The following DPP6 variants were observed in gnomAD, a reference collection of about 807,000 sequenced individuals.
DPP6 encodes dipeptidyl peptidase like 6.
A neutral mutation model predicts 122.6 loss-of-function variants in DPP6; 69 were observed. The ratio of observed to expected loss-of-function variants is 0.56; its 90% CI spans 0.46 to 0.69. The LOEUF (loss-of-function observed/expected upper bound fraction) is 0.69, where lower values mean the gene tolerates loss of function less well. Among genes scored for constraint, DPP6 ranks in the 30% least tolerant of loss-of-function variants. DPP6 has a pLI of 0.00. For missense variants in DPP6, 928 were observed against 1,116.9 expected, an observed-to-expected ratio of 0.83 and a Z score of 2.41; for synonymous variants, 418 against 433.1, an observed-to-expected ratio of 0.97 and a Z score of 0.43.
chr7:154,034,610 T>A (rs1431319035), intron 1 of DPP6, among the ~76,000 whole-genome samples: 9 of 152,212 alleles, frequency 5.9e-5, no homozygotes, highest in African/African-American at 1.9e-4. Flanking sequence ...AACATTTGTT[T>A]TGGAGCTCGA....
chr7:154,490,317 C>T (rs1027346892), intron 3 of DPP6, among the ~76,000 whole-genome samples: 2 of 152,210 alleles, frequency 1.3e-5, no homozygotes, highest in African/African-American at 2.4e-5. Flanking sequence ...CCCCCGGCTC[C>T]CTCGTGCTCT....
At chr7:153,961,956 G>C (rs939335327) in intron 1 of DPP6, among the ~76,000 whole-genome samples, 3 of 149,420 alleles carry the variant, frequency 2.0e-5, no homozygotes, top group Admixed American at 6.6e-5. Flanking sequence ...GGACCCCTGT[G>C]CTAGAGCACA....
At chr7:154,431,031 C>A (rs1563658323) in intron 1 of DPP6, among the ~76,000 whole-genome samples, 1 of 152,114 alleles carries the variant, frequency 6.6e-6, no homozygotes, top group Non-Finnish European at 1.5e-5. Context: ...TTGATTGGCA[C>A]CCAGAGAGAA....
At chr7:154,842,632 C>T (rs1801641189) in intron 16 of DPP6, among the ~76,000 whole-genome samples, 2 of 152,150 alleles carry the variant, frequency 1.3e-5, no homozygotes, top group South Asian at 4.2e-4. Flanking sequence ...AGGGCAAAAA[C>T]GACCTTATAT....
intron 8 of DPP6, among the ~76,000 whole-genome samples, chr7:154,736,090 T>C (rs756752042): frequency 2.6e-5 from 4 of 152,260 alleles, no homozygotes; most frequent in Non-Finnish European, 1.5e-5. Context: ...TCTGCGATCA[T>C]GGGCAGACCA....
intron 1 of DPP6, among the ~76,000 whole-genome samples, chr7:153,904,698 T>C (rs1799777548): frequency 6.6e-6 from 1 of 152,200 alleles, no homozygotes; most frequent in Non-Finnish European, 1.5e-5. Flanking sequence ...CCTTCCTTCT[T>C]GGGGCTTCCA....
chr7:154,842,336 G>A (rs1801618540), intron 16 of DPP6, among the ~76,000 whole-genome samples: 1 of 152,240 alleles, frequency 6.6e-6, no homozygotes. Flanking sequence ...CAGACGAGAG[G>A]AAGGGAGACA....
In DPP6 at chr7:154,668,402, A is replaced by C. The variant is rs529208024; in HGVS notation, c.681-958A>C. 2.3e-3 allele frequency among the ~76,000 whole-genome samples: 351 copies of C among 151,028 alleles called. 1 individual carries two copies. The highest frequency in any genetic ancestry group is 4.4e-3 in the Non-Finnish European group (295 of 67,804). On this transcript the variant is annotated intron_variant, in intron 6 of 25. Transcript: ENST00000377770. ...CGCCCGACTAATTTTTTATATTTTT[A>C]GTAGGGATGGGGTTTCACCGTGTTA...
chr7:153,971,988 A>T (rs546629161), intron 1 of DPP6, among the ~76,000 whole-genome samples: 3,117 of 137,414 alleles, frequency 0.023, 120 homozygotes, highest in African/African-American at 0.058. Flanking sequence ...TCTATTACAG[A>T]TGACTCTCTT....
chr7:154,800,711 G>A (rs774729337), intron 12 of DPP6, among the ~76,000 whole-genome samples: 8 of 152,148 alleles, frequency 5.3e-5, no homozygotes, highest in South Asian at 4.1e-4. Flanking sequence ...AGTGTGGCCC[G>A]AGGTGGAGCG....
intron 1 of DPP6, among the ~76,000 whole-genome samples, chr7:154,127,652 GACACACACAC>G (rs66703506): frequency 7.6e-5 from 6 of 79,106 alleles, no homozygotes; most frequent in Non-Finnish European, 1.4e-4. Flanking sequence ...CACACACACA[GACACACACAC>G]ACACACACAC....
intron 1 of DPP6, among the ~76,000 whole-genome samples, chr7:154,390,342 AC>A (rs755511036): frequency 1.6e-4 from 24 of 152,274 alleles, no homozygotes; most frequent in Non-Finnish European, 2.2e-4. Flanking sequence ...CTCAAGCAGC[AC>A]CTGCAGGCCA....
At chr7:154,206,271 G>A (rs994558062) in intron 1 of DPP6, among the ~76,000 whole-genome samples, 15 of 152,040 alleles carry the variant, frequency 9.9e-5, no homozygotes, top group African/African-American at 3.6e-4. Flanking sequence ...GCCGGTCCTC[G>A]GCCCTTGTTC....
chr7:153,765,564 GA>G, the DPP6 span, among the ~76,000 whole-genome samples: 5 of 148,176 alleles, frequency 3.4e-5, no homozygotes, highest in Admixed American at 2.0e-4. Flanking sequence ...AAAAAAAACA[GA>G]AAAAAACACC....
chr7:154,104,967 A>C (rs1228201272), intron 1 of DPP6, among the ~76,000 whole-genome samples: 3 of 152,148 alleles, frequency 2.0e-5, no homozygotes. Context: ...CACTCAGTGT[A>C]AGATCAGGTT....
At chr7:154,701,510 A>G (rs574879764) in intron 7 of DPP6, among the ~76,000 whole-genome samples, 14 of 152,318 alleles carry the variant, frequency 9.2e-5, no homozygotes, top group African/African-American at 3.1e-4. Context: ...GAGCTTTGTC[A>G]TTTGCTAGGG....
rs143127905 is a variant in DPP6, at chr7:153,965,547, G to C, written c.51+77813G>C. ...TTATTTTTTGAGATGGAGTCTCGCT[G>C]TGTCCCCCAGGTTGGAGCACAGTGG... On this transcript the variant is annotated intron_variant, in intron 1 of 25. Coordinates refer to the DPP6 transcript ENST00000404039. Among the ~76,000 whole-genome samples, 15 of 152,166 alleles carry C rather than the reference G, an allele frequency of 9.9e-5. No individual in the cohort carries two copies. In the East Asian group the frequency reaches 2.9e-3, roughly 29 times the overall value.
intron 5 of DPP6, among the ~76,000 whole-genome samples, chr7:154,575,663 G>A (rs1831612952): frequency 6.8e-6 from 1 of 146,738 alleles, no homozygotes; most frequent in South Asian, 2.2e-4. Context: ...TGTGGTGTGT[G>A]TGTATGTGTG....
At chr7:154,054,582 T>C (rs2129063852) in intron 1 of DPP6, among the ~76,000 whole-genome samples, 1 of 152,256 alleles carries the variant, frequency 6.6e-6, no homozygotes, top group Non-Finnish European at 1.5e-5. Context: ...TAAATAGTCA[T>C]TCAAAGGCAT....
Sources: allele counts gnomAD v4.1 joint callset (sites outside exome capture counted in the v4.1 genomes callset), GRCh38; gene constraint gnomAD v4.1.1; transcripts MANE v1.5; gene names NCBI Gene and HGNC (gene_info 2026-07-23, HGNC 2026-07-21).